The following RALB variants were observed in gnomAD, a reference collection of about 807,000 sequenced individuals.
The protein encoded by RALB is ras-related protein Ral-B.
A neutral mutation model predicts 21.3 loss-of-function variants in RALB; 16 were observed. The observed-to-expected ratio is 0.75, with a 90% CI of 0.51 to 1.14. RALB has a LOEUF of 1.14. Ranked by LOEUF, RALB falls within the 50% of genes most tolerant of loss-of-function variation. RALB has a pLI of 0.00. For synonymous variants in RALB, 93 were observed against 96.1 expected (o/e 0.97, Z 0.19); for missense variants, 161 against 256.2 (o/e 0.63, Z 2.54).
chr2:120,291,342 A>G (rs566141488), intron 4 of RALB, among the ~76,000 whole-genome samples: 140 of 151,846 alleles, frequency 9.2e-4, no homozygotes, highest in African/African-American at 3.3e-3. Context: ...CAACTCTTAC[A>G]CTCTTATATT....
intron 4 of RALB, among the ~76,000 whole-genome samples, chr2:120,290,525 G>A (rs1357909899): frequency 3.9e-5 from 6 of 152,152 alleles, no homozygotes; most frequent in Non-Finnish European, 7.3e-5. Flanking sequence ...TTATTGGTCA[G>A]ATTTGTTCTT....
intron 1 of RALB, among the ~76,000 whole-genome samples, chr2:120,243,082 C>G (rs1215934308): frequency 9.9e-5 from 15 of 152,198 alleles, no homozygotes; most frequent in Admixed American, 5.2e-4. Flanking sequence ...CAGAGGCATG[C>G]CTTTTCTCGC....
At chr2:120,284,521 C>T (rs1287822791) in intron 2 of RALB, among the ~76,000 whole-genome samples, 1 of 152,136 alleles carries the variant, frequency 6.6e-6, no homozygotes, top group Non-Finnish European at 1.5e-5. Context: ...GCCTCAGCCT[C>T]CTGAGTAGCT....
chr2:120,283,019 TAA>T (rs969233753), intron 2 of RALB, among the ~76,000 whole-genome samples: 1 of 145,058 alleles, frequency 6.9e-6, no homozygotes. Flanking sequence ...TGGGAGACTT[TAA>T]AAAAAAAAAA....
At position 120,286,144 on chromosome 2, in the gene RALB, T is replaced by TA. The variant is rs1573356838; in HGVS notation, c.323+63dup. ...GCTTTTTGCCTTTTCTCATATGTCT[T>TA]AGGCCTATGAAGAATTTGGGGCTGA... On this transcript the variant is annotated intron_variant, in intron 3 of 4. Coordinates refer to ENST00000272519, the MANE Select transcript of RALB (RefSeq NM_002881.3). The TA allele has an allele frequency of 2.8e-6, 4 of 1,421,568 alleles. No individual in the cohort carries two copies. The East Asian group carries it at 9.1e-5, about 32-fold the overall frequency. 88.1% of individuals were successfully genotyped at this position (1,421,568 alleles called of 1,614,324 possible).
At chr2:120,260,179 C>A (rs1274316983) in intron 1 of RALB, among the ~76,000 whole-genome samples, 1 of 152,242 alleles carries the variant, frequency 6.6e-6, no homozygotes, top group Non-Finnish European at 1.5e-5. Flanking sequence ...CGGCCTTGGC[C>A]AGCCCAGAAA....
chr2:120,268,275 G>A (rs1689555365), intron 1 of RALB, among the ~76,000 whole-genome samples: 1 of 151,908 alleles, frequency 6.6e-6, no homozygotes, highest in Non-Finnish European at 1.5e-5. Context: ...CCTGTGTCCA[G>A]TTGCTCCTGA....
chr2:120,268,751 T>G (rs1689569102), intron 1 of RALB, among the ~76,000 whole-genome samples: 1 of 152,202 alleles, frequency 6.6e-6, no homozygotes, highest in Admixed American at 6.5e-5. Context: ...ATAAGGAGTA[T>G]GTGTTTAAAA....
chr2:120,265,800 A>C (rs985954623), intron 1 of RALB, among the ~76,000 whole-genome samples: 15 of 152,146 alleles, frequency 9.9e-5, no homozygotes, highest in Non-Finnish European at 1.9e-4. Flanking sequence ...GTAGTAGTAG[A>C]ATCTGTTTAA....
upstream of RALB, among the ~76,000 whole-genome samples, chr2:120,249,696 AC>A (rs1401124033): frequency 6.6e-6 from 1 of 152,220 alleles, no homozygotes. Flanking sequence ...CCCGCCTCCA[AC>A]AGTGGGGATT....
At chr2:120,247,207 G>C (rs1688986854) in intron 1 of RALB, among the ~76,000 whole-genome samples, 2 of 152,214 alleles carry the variant, frequency 1.3e-5, no homozygotes, top group Admixed American at 1.3e-4. Context: ...GCAATAGTGA[G>C]GAAGGCGTAT....
chr2:120,255,476 G>C (rs1304976128), intron 1 of RALB, among the ~76,000 whole-genome samples: 1 of 152,130 alleles, frequency 6.6e-6, no homozygotes, highest in African/African-American at 2.4e-5. Flanking sequence ...ATTTGACCAT[G>C]GGCTGTCTCC....
chr2:120,293,915 A>G lies in RALB; in HGVS notation c.*655A>G, dbSNP rs771657333. On this transcript the variant is annotated 3_prime_UTR_variant, in exon 5 of 5. Transcript: ENST00000272519. The stretch of plus-strand genomic sequence containing the variant: ...CTTATTTAAACATTGGCCTATTATA[A>G]TCTGTGTTGGTTATTTTTCTCCTGT... 7 of 382,242 alleles carry G rather than the reference A, an allele frequency of 1.8e-5. No homozygotes were observed. Among genetic ancestry groups the G allele is most frequent in the Non-Finnish European group, 3.2e-5 (7 of 216,644 alleles). The allele number at this position is 382,242 out of a possible 1,614,324, so 23.7% of individuals were successfully genotyped here.
chr2:120,277,861 G>A (rs1689868094), intron 1 of RALB, among the ~76,000 whole-genome samples: 1 of 118,736 alleles, frequency 8.4e-6, no homozygotes, highest in South Asian at 2.6e-4. Context: ...ACATGAGCAT[G>A]TGTGAATGTG....
intron 1 of RALB, among the ~76,000 whole-genome samples, chr2:120,242,371 T>A (rs574825602): frequency 1.3e-5 from 2 of 152,218 alleles, no homozygotes; most frequent in Non-Finnish European, 2.9e-5. Flanking sequence ...AACTATACAC[T>A]TAACAGCTAA....
intron 4 of RALB, among the ~76,000 whole-genome samples, chr2:120,291,003 CTCTT>C (rs1308333000): frequency 2.6e-5 from 4 of 152,220 alleles, no homozygotes; most frequent in Admixed American, 6.5e-5. Flanking sequence ...TCTTCTGTTT[CTCTT>C]TCTTGTGCAG....
intron 1 of RALB, among the ~76,000 whole-genome samples, chr2:120,259,742 A>G (rs6542581): frequency 0.69 from 105,683 of 152,098 alleles, 37,307 homozygotes; most frequent in Middle Eastern, 0.8. Context: ...GTCCTGCGCC[A>G]TGCACTTGCA....
chr2:120,270,052 T>C (rs902146926), intron 1 of RALB, among the ~76,000 whole-genome samples: 2 of 152,228 alleles, frequency 1.3e-5, no homozygotes, highest in Admixed American at 1.3e-4. Flanking sequence ...GAAGTACTTC[T>C]TCATTTTTTG....
At chr2:120,257,014 G>C (rs1689216809) in intron 1 of RALB, among the ~76,000 whole-genome samples, 1 of 152,132 alleles carries the variant, frequency 6.6e-6, no homozygotes, top group Non-Finnish European at 1.5e-5. Context: ...TCTTTCTTCC[G>C]GTTCTTTGTT....
Sources: gnomAD v4.1 joint callset for allele counts (sites outside exome capture counted in the v4.1 genomes callset) on GRCh38, gnomAD v4.1.1 for gene constraint, MANE v1.5 for transcripts, NCBI Gene and HGNC (gene_info 2026-07-23, HGNC 2026-07-21) for gene names.